TTN: variants seen among roughly 807,000 people sequenced by gnomAD.
TTN encodes titin.
Under a neutral mutation model 3,223.0 loss-of-function variants are expected in TTN, and 1,525 were observed. The observed-to-expected ratio is 0.47, with a 90% CI of 0.45 to 0.49. TTN has a LOEUF of 0.49. TTN is among the 20% of genes least tolerant of loss of function. The pLI, the probability that TTN is intolerant of heterozygous loss-of-function variation, is 0.00. For missense variants in TTN, 40,786 were observed against 43,424.0 expected (o/e 0.94, Z 5.40); for synonymous variants, 14,094 against 15,161.0 (o/e 0.93, Z 5.17).
At chr2:178,635,356 C>T in intron 227 of TTN, 52 bp from the exon 228 acceptor site, 1 of 1,607,768 alleles carries the variant, frequency 6.2e-7, no homozygotes, top group African/African-American at 1.3e-5. Context: ...CCCAACGATG[C>T]TTTGCTTTTA....
rs1173710392 is a variant in TTN, at chr2:178,782,834, G to C, written c.3072C>G (p.Val1024=). 6.2e-7 allele frequency: 1 copy of C among 1,613,314 alleles called. No individual in the cohort carries two copies. The highest frequency in any genetic ancestry group is 8.5e-7 in the Non-Finnish European group (1 of 1,179,888). ...GCACAGCCAGATAGCAGGATGTGCT[G>C]ACGGTTCCAGCCTCATTTACAGCAC... ...TCSAVNEAGT[V]STSCYLAVQV... is the part of the protein sequence containing the mutation. Residue 1024 remains valine, a synonymous_variant, in exon 18 of 363, where the codon GTC becomes GTG. Coordinates refer to ENST00000589042, the MANE Select transcript of TTN (RefSeq NM_001267550.2).
At position 178,601,250 on chromosome 2, in the gene TTN, G is replaced by A; in HGVS notation, c.55732+15C>T. 1 of 1,523,196 alleles carries A rather than the reference G, an allele frequency of 6.6e-7. No individual in the cohort carries two copies. Among genetic ancestry groups the A allele is most frequent in the Non-Finnish European group, 8.8e-7 (1 of 1,139,840 alleles). 94.4% of individuals were successfully genotyped at this position (1,523,196 alleles called of 1,614,324 possible). ...ATTTTGAGAAGATATTTTAAATTTAGATTTTAAAGCTTACATATCGGATCT... is the reference window on the plus strand; with the variant it reads ...ATTTTGAGAAGATATTTTAAATTTAAATTTTAAAGCTTACATATCGGATCT... On this transcript the variant is annotated intron_variant, in intron 287 of 362. Transcript: ENST00000589042.
intron 6 of TTN, 111 bp downstream of exon 6, chr2:178,799,376 G>T: frequency 6.5e-7 from 1 of 1,546,458 alleles, no homozygotes. Flanking sequence ...CACTGAAGAA[G>T]CGAACCACTC....
In TTN at chr2:178,551,153, C is replaced by T. The variant is rs908278682; in HGVS notation, c.91378G>A (p.Glu30460Lys). 1 of 1,613,422 alleles carries T rather than the reference C, an allele frequency of 6.2e-7. No individual in the cohort carries two copies. Among genetic ancestry groups the T allele is most frequent in the African/African-American group, 1.3e-5 (1 of 74,880 alleles). ...CAGCGTTCATTTCCTTGCCGTTTCT[C>T]AATGCTATAGCCCACAATCTTACTG... Reference protein sequence around the residue: ...GGSKIVGYSIEKRQGNERWVR... With the variant: ...GGSKIVGYSIKKRQGNERWVR... Residue 30460 changes from glutamate to lysine, a missense_variant, in exon 336 of 363, where the codon GAG becomes AAG. By Grantham distance (56) the Glu-to-Lys change is moderately conservative. Transcript: ENST00000589042.
rs1239361545 is a variant in TTN at position 178,542,849 on chromosome 2, A to T, written c.97005T>A (p.Pro32335=). The change falls in exon 348 of 363, where the codon CCT becomes CCA. Residue 32335 remains proline (P), a synonymous_variant. Transcript: ENST00000589042. ...CAGCAAAGAACCAGGAAGCAGCAGGAGGTGGACGGCCAGCAATAGGTATCA... is the reference window on the plus strand; with the variant it reads ...CAGCAAAGAACCAGGAAGCAGCAGGTGGTGGACGGCCAGCAATAGGTATCA... ...ELVIPIAGRP[P]PAASWFFAGS... is the part of the protein sequence containing the mutation. 2 of 1,613,702 alleles carry T rather than the reference A, an allele frequency of 1.2e-6. No individual in the cohort carries two copies. Among genetic ancestry groups the T allele is most frequent in the African/African-American group, 2.7e-5 (2 of 74,912 alleles).
At chr2:178,680,743 A>G (rs1201143335) in intron 138 of TTN, among the ~76,000 whole-genome samples, 1 of 152,098 alleles carries the variant, frequency 6.6e-6, no homozygotes, top group Non-Finnish European at 1.5e-5. Flanking sequence ...ACAGTTACCA[A>G]AGCTTGGTGA....
rs956947018 is a variant in TTN, at chr2:178,554,352, G to C, written c.88894+101C>G. On this transcript the variant is annotated intron_variant, in intron 332 of 362. Transcript: ENST00000589042. The stretch of plus-strand genomic sequence containing the variant: ...CACCTTGTGAAAAGGATGGTAATGA[G>C]ACAGGTGTTATATAAAAGAAAATTA... 27 of 1,433,848 alleles carry C rather than the reference G, an allele frequency of 1.9e-5. No individual in the cohort carries two copies. The Admixed American group carries it at 4.8e-4, about 25-fold the overall frequency. 88.8% of individuals were successfully genotyped at this position (1,433,848 alleles called of 1,614,324 possible).
chr2:178,784,919 A>G (rs1254028328), intron 15 of TTN, among the ~76,000 whole-genome samples: 2 of 152,248 alleles, frequency 1.3e-5, no homozygotes, highest in Non-Finnish European at 2.9e-5. Flanking sequence ...CATTATATGT[A>G]ACTTACAGTT....
At chr2:178,603,582 G>A (rs1255094261) in intron 282 of TTN, among the ~76,000 whole-genome samples, 1 of 151,902 alleles carries the variant, frequency 6.6e-6, no homozygotes, top group Admixed American at 6.6e-5. Flanking sequence ...AGTATCAGAA[G>A]ACATAGGAGT....
At position 178,776,280 on chromosome 2, in the gene TTN, A is replaced by T; in HGVS notation, c.5584T>A (p.Cys1862Ser). Residue 1862 changes from cysteine to serine, a missense_variant, in exon 28 of 363, where the codon TGC (cysteine) becomes AGC (serine). Coordinates refer to ENST00000589042, the MANE Select transcript of TTN (RefSeq NM_001267550.2). ...GGCTGAGGGTAGCCTGTTACCCTGC[A>T]GCGGAACCTTGCAGTCTCCCCTTCA... ...VLEGETARFR[C>S]RVTGYPQPKV... is the part of the protein sequence containing the mutation. 1 of 1,614,128 alleles carries T rather than the reference A, an allele frequency of 6.2e-7. No homozygotes were observed. The highest frequency in any genetic ancestry group is 8.5e-7 in the Non-Finnish European group (1 of 1,179,998).
chr2:178,630,216 T>A, intron 239 of TTN, 25 bp downstream of exon 239: 1 of 1,611,042 alleles, frequency 6.2e-7, no homozygotes, highest in Non-Finnish European at 8.5e-7. Flanking sequence ...TTATTTAATT[T>A]CCCTGAAAAA....
chr2:178,527,506 T>C lies in TTN; in HGVS notation c.107620A>G (p.Ile35874Val). Residue 35874 changes from isoleucine to valine, a missense_variant, in exon 362 of 363, where the codon ATA (isoleucine) becomes GTA (valine). Ile to Val is a conservative substitution (Grantham distance 29, BLOSUM62 3). Transcript: ENST00000589042. ...VEMSSSSFMG[I>V]SNMTQLESST... is the part of the protein sequence containing the mutation. ...CTTTCCAGTTGTGTCATATTAGATATTCCCATAAAGCTGCTGGAACTCATT... is the reference window on the plus strand; with the variant it reads ...CTTTCCAGTTGTGTCATATTAGATACTCCCATAAAGCTGCTGGAACTCATT... The C allele has an allele frequency of 6.2e-7, 1 of 1,614,048 alleles. No homozygotes were observed. Among genetic ancestry groups the C allele is most frequent in the Non-Finnish European group, 8.5e-7 (1 of 1,179,888 alleles).
chr2:178,593,946 C>A lies in TTN; in HGVS notation c.58432+15G>T. The A allele has an allele frequency of 6.2e-7, 1 of 1,611,604 alleles. No individual in the cohort carries two copies. Among genetic ancestry groups the A allele is most frequent in the East Asian group, 2.2e-5 (1 of 44,746 alleles). On this transcript the variant is annotated intron_variant, in intron 297 of 362. Transcript: ENST00000589042. Reference sequence around the variant, plus strand: ...AAGAACAGAAGATCTATTCTTTCCACTAAATAAGACTTACCAACAACATTA... The same window carrying A: ...AAGAACAGAAGATCTATTCTTTCCAATAAATAAGACTTACCAACAACATTA...
chr2:178,577,184 T>G lies in TTN; in HGVS notation c.69151A>C (p.Asn23051His). The G allele has an allele frequency of 6.2e-7, 1 of 1,612,966 alleles. No homozygotes were observed. The highest frequency in any genetic ancestry group is 2.2e-5 in the East Asian group (1 of 44,658). Residue 23051 changes from asparagine to histidine, a missense_variant, in exon 324 of 363, where the codon AAT becomes CAT. Transcript: ENST00000589042. Reference protein sequence around the residue: ...PGPPGPVEISNVSAEKATLTW... With the variant: ...PGPPGPVEISHVSAEKATLTW... The stretch of plus-strand genomic sequence containing the variant: ...AGTGTTGCTTTTTCAGCAGAAACAT[T>G]ACTGATTTCAACAGGACCTGGGGGA...
chr2:178,622,658 A>G lies in TTN; in HGVS notation c.44913+12T>C. ...TTTGACAGTACAAGATGACAGGTAT[A>G]CAGTCACAGACCTTAGCATTTTCTC... On this transcript the variant is annotated intron_variant, in intron 243 of 362. Coordinates refer to ENST00000589042, the MANE Select transcript of TTN (RefSeq NM_001267550.2). The G allele has an allele frequency of 4.4e-6, 7 of 1,591,028 alleles. No individual in the cohort carries two copies. The highest frequency in any genetic ancestry group is 6.0e-6 in the Non-Finnish European group (7 of 1,165,160).
rs1373133378 is a variant in TTN, at chr2:178,783,761, C to G, written c.2800G>C (p.Ala934Pro). ...GGAGTAACAGGAATTTCAACAGGTGCTGGTACTCTTGCTGTTTCTGTTACC... is the reference window on the plus strand; with the variant it reads ...GGAGTAACAGGAATTTCAACAGGTGGTGGTACTCTTGCTGTTTCTGTTACC... ...AKVTETARVPAPVEIPVTPPT... is the reference protein window; with the variant it reads ...AKVTETARVPPPVEIPVTPPT... Residue 934 changes from alanine to proline, a missense_variant, in exon 17 of 363, where the codon GCA becomes CCA. Physicochemically the swap from Ala to Pro is conservative, Grantham distance 27. Coordinates refer to ENST00000589042, the MANE Select transcript of TTN (RefSeq NM_001267550.2). The G allele has an allele frequency of 6.2e-7, 1 of 1,613,164 alleles. No individual in the cohort carries two copies. The highest frequency in any genetic ancestry group is 8.5e-7 in the Non-Finnish European group (1 of 1,179,704).
Position 178,579,819 on chromosome 2 carries a change from C to G in TTN, c.67378G>C (p.Val22460Leu). The change falls in exon 319 of 363, where the codon GTG (valine) becomes CTG (leucine). Residue 22460 changes from valine (V) to leucine (L), a missense_variant. By Grantham distance (32) the Val-to-Leu change is conservative. Transcript: ENST00000589042. ...QTPGPVVDLK[V>L]RSVSKSSCSI... Reference sequence around the variant, plus strand: ...CAGGATGACTTAGATACAGACCTCACTTTCAGGTCCACAACTGGTCCAGGA... The same window carrying G: ...CAGGATGACTTAGATACAGACCTCAGTTTCAGGTCCACAACTGGTCCAGGA... The G allele has an allele frequency of 1.2e-6, 2 of 1,613,296 alleles. No individual in the cohort carries two copies.
At chr2:178,746,830 G>T (rs1481005451) in intron 47 of TTN, 2 of 1,613,178 alleles carry the variant, frequency 1.2e-6, no homozygotes, top group African/African-American at 2.7e-5. Flanking sequence ...CCTTCCTTTT[G>T]GTCAGAGGTT....
Position 178,566,228 on chromosome 2 carries a change from T to C in TTN, c.79904A>G (p.Asp26635Gly), listed in dbSNP as rs1301645407. 1.2e-6 allele frequency: 2 copies of C among 1,613,630 alleles called. No individual in the cohort carries two copies. Among genetic ancestry groups the C allele is most frequent in the Non-Finnish European group, 1.7e-6 (2 of 1,179,730 alleles). Reference sequence around the variant, plus strand: ...TACTCCCTTTTCAATTTGGACCTTATCTGTGAATTCACCTTCCTCTCGAGA... The same window carrying C: ...TACTCCCTTTTCAATTTGGACCTTACCTGTGAATTCACCTTCCTCTCGAGA... The part of the protein sequence containing the change: ...TWSREEGEFT[D>G]KVQIEKGVNY... The change falls in exon 326 of 363, where the codon GAT becomes GGT. Residue 26635 changes from aspartate (D) to glycine (G), a missense_variant. By Grantham distance (94) the Asp-to-Gly change is moderately conservative. Coordinates refer to ENST00000589042, the MANE Select transcript of TTN (RefSeq NM_001267550.2).
Sources: gnomAD v4.1 joint callset for allele counts (sites outside exome capture counted in the v4.1 genomes callset) on GRCh38, gnomAD v4.1.1 for gene constraint, MANE v1.5 for transcripts, NCBI Gene and HGNC (gene_info 2026-07-23, HGNC 2026-07-21) for gene names.